Variants in CHD2 observed in about 807,000 individuals in gnomAD.
The protein encoded by CHD2 is ATP-dependent chromatin remodeler CHD2.
CHD2 carries 28 observed loss-of-function variants against 243.9 expected under a neutral mutation model. That is an observed-to-expected ratio of 0.11 (90% confidence interval 0.09 to 0.16). The LOEUF is 0.16. CHD2 is among the 10% of genes least tolerant of loss of function. CHD2 has a pLI of 1.00. For missense variants in CHD2, 1,386 were observed against 2,209.8 expected (o/e 0.63, Z 7.47); for synonymous variants, 775 against 779.0 (o/e 0.99, Z 0.09).
At chr15:92,966,226 G>C (rs944969350) in intron 16 of CHD2, among the ~76,000 whole-genome samples, 16 of 151,804 alleles carry the variant, frequency 1.1e-4, no homozygotes, top group Admixed American at 6.6e-4. Flanking sequence ...ACCATGCCCA[G>C]CTAATTTTTG....
chr15:92,928,939 A>G (rs2053115626), intron 4 of CHD2, 91 bp from the exon 5 acceptor site: 3 of 1,223,696 alleles, frequency 2.5e-6, no homozygotes, highest in Middle Eastern at 1.9e-4. Flanking sequence ...ATAATGGTAT[A>G]TTGAGTAGAC....
At chr15:92,961,876 C>CTCTTTTTT (rs1555441358) in intron 16 of CHD2, among the ~76,000 whole-genome samples, 1 of 78,642 alleles carries the variant, frequency 1.3e-5, no homozygotes, top group South Asian at 5.2e-4. Context: ...TTTTTCTTCT[C>CTCTTTTTT]TTTTTTTTTT....
chr15:92,960,979 C>T (rs1406782871), intron 16 of CHD2, among the ~76,000 whole-genome samples: 1 of 151,982 alleles, frequency 6.6e-6, no homozygotes, highest in Non-Finnish European at 1.5e-5. Context: ...CTGTCTCCGC[C>T]GCCTAAAGTG....
intron 27 of CHD2, among the ~76,000 whole-genome samples, 157 bp from the exon 28 acceptor site, chr15:92,992,702 C>G (rs989848091): frequency 6.6e-6 from 1 of 152,158 alleles, no homozygotes; most frequent in Non-Finnish European, 1.5e-5. Flanking sequence ...CAGTCAATGT[C>G]CAGGGGTTCT....
chr15:92,959,587 G>T (rs2141820213), intron 16 of CHD2, among the ~76,000 whole-genome samples: 1 of 152,230 alleles, frequency 6.6e-6, no homozygotes, highest in South Asian at 2.1e-4. Context: ...TGCCTCCCGG[G>T]CTCAAGTGAT....
rs1208675130 is a variant in CHD2, at chr15:92,900,582, C to A, written c.-314C>A. The stretch of plus-strand genomic sequence containing the variant: ...TGAGAGCCCAGGTCGTTGTTTTTTC[C>A]AGCTTAGAAGCCATGGCGCACCTCC... On this transcript the variant is annotated 5_prime_UTR_variant, in exon 1 of 39. Transcript: ENST00000394196. 2.5e-6 allele frequency: 1 copy of A among 398,408 alleles called. No individual in the cohort carries two copies. The highest frequency in any genetic ancestry group is 3.6e-5 in the East Asian group (1 of 28,086). The allele number at this position is 398,408 out of a possible 1,614,324, so 24.7% of individuals were successfully genotyped here. A position where few individuals can be genotyped will look rare whatever the true frequency, so the allele number is the denominator to read the frequency against.
chr15:93,011,811 C>T (rs978683237), intron 35 of CHD2, among the ~76,000 whole-genome samples: 32 of 151,930 alleles, frequency 2.1e-4, no homozygotes, highest in Admixed American at 6.5e-4. Flanking sequence ...GTTGTGGTGG[C>T]GACAACTGGG....
chr15:92,956,350 G>A, intron 15 of CHD2, 109 bp from the exon 16 acceptor site: 1 of 779,876 alleles, frequency 1.3e-6, no homozygotes, highest in Non-Finnish European at 2.1e-6. Flanking sequence ...GAATAAATGT[G>A]TCAATTTATA....
chr15:92,950,619 T>G (rs2053540995), intron 13 of CHD2, among the ~76,000 whole-genome samples: 1 of 152,110 alleles, frequency 6.6e-6, no homozygotes, highest in Non-Finnish European at 1.5e-5. Flanking sequence ...CTGGACATGG[T>G]GGCATGCTTA....
Position 93,020,103 on chromosome 15 carries a change from G to A in CHD2, c.4998G>A (p.Glu1666=), listed in dbSNP as rs1038003181. 6.2e-7 allele frequency: 1 copy of A among 1,614,068 alleles called. No individual in the cohort carries two copies. Among genetic ancestry groups the A allele is most frequent in the Admixed American group, 1.7e-5 (1 of 59,998 alleles). ...GAAGCGACAGGCACCATCAGTATGA[G>A]CAGCACTGGTACAAGGACCACCATT... The part of the protein sequence containing the change: ...PWGSDRHHQY[E]QHWYKDHHYG... Residue 1666 remains glutamate, a synonymous_variant, in exon 38 of 39, where the codon GAG becomes GAA. Coordinates refer to ENST00000394196, the MANE Select transcript of CHD2 (RefSeq NM_001271.4).
chr15:93,014,602 C>T (rs896843625), intron 36 of CHD2, 94 bp from the exon 37 acceptor site: 2 of 1,090,786 alleles, frequency 1.8e-6, no homozygotes, highest in Non-Finnish European at 2.7e-6. Flanking sequence ...TTAAGAAGGA[C>T]AAGAAGGAGC....
chr15:92,922,922 G>C (rs1400713667), intron 2 of CHD2, among the ~76,000 whole-genome samples: 1 of 152,042 alleles, frequency 6.6e-6, no homozygotes, highest in Non-Finnish European at 1.5e-5. Context: ...TTTCTGTTTT[G>C]TTCCTTTAGA....
At chr15:92,979,320 A>G (rs372719567) in intron 22 of CHD2, 37 bp downstream of exon 22, 1 of 1,605,726 alleles carries the variant, frequency 6.2e-7, no homozygotes, top group Non-Finnish European at 8.5e-7. Flanking sequence ...GGCAGAATCA[A>G]ATTGATTCTA....
intron 31 of CHD2, 70 bp from the exon 32 acceptor site, chr15:93,000,442 T>C: frequency 6.9e-7 from 1 of 1,445,592 alleles, no homozygotes; most frequent in Non-Finnish European, 9.3e-7. Flanking sequence ...TAAAGAGTCA[T>C]CATGTTGTTT....
intron 2 of CHD2, chr15:92,904,443 C>G: frequency 2.0e-6 from 2 of 988,360 alleles, no homozygotes; most frequent in Non-Finnish European, 2.4e-6. Context: ...GCCGCGTGCG[C>G]ATGTCGGGCG....
At chr15:92,991,080 A>G (rs932965236) in intron 26 of CHD2, among the ~76,000 whole-genome samples, 1 of 152,232 alleles carries the variant, frequency 6.6e-6, no homozygotes, top group African/African-American at 2.4e-5. Flanking sequence ...ACAGTGGTGA[A>G]CTGAATACGC....
Position 92,937,632 on chromosome 15 carries a change from T to C in CHD2, c.551+7T>C, listed in dbSNP as rs762949694. ...GAAGACCTGTCCCCAGAAGGTGCAC[T>C]GTTTGCTTAAGATCTCTACTTGGGA... is the stretch of plus-strand genomic sequence containing the variant. On this transcript the variant is annotated splice_region_variant and intron_variant, in intron 6 of 38. Transcript: ENST00000394196. 2 of 1,604,516 alleles carry C rather than the reference T, an allele frequency of 1.2e-6. No individual in the cohort carries two copies. The highest frequency in any genetic ancestry group is 1.3e-5 in the African/African-American group (1 of 74,620).
intron 31 of CHD2, among the ~76,000 whole-genome samples, chr15:93,000,209 T>G (rs1011797739): frequency 6.6e-6 from 1 of 151,704 alleles, no homozygotes; most frequent in Admixed American, 6.6e-5. Context: ...GAGGTTGCAG[T>G]GAGGCAAGAT....
chr15:92,985,739 G>A, intron 26 of CHD2, 66 bp downstream of exon 26: 1 of 1,510,448 alleles, frequency 6.6e-7, no homozygotes. Flanking sequence ...TGGGTTGACT[G>A]GATCCTGGAC....
Sources: gnomAD v4.1 joint callset for allele counts (sites outside exome capture counted in the v4.1 genomes callset) on GRCh38, gnomAD v4.1.1 for gene constraint, MANE v1.5 for transcripts, NCBI Gene and HGNC (gene_info 2026-07-23, HGNC 2026-07-21) for gene names.